Variants in DLG2 observed in about 807,000 individuals in gnomAD.
The protein encoded by DLG2 is discs large MAGUK scaffold protein 2.
A neutral mutation model predicts 132.5 loss-of-function variants in DLG2; 45 were observed. The ratio of observed to expected loss-of-function variants is 0.34; its 90% CI spans 0.27 to 0.44. The LOEUF (loss-of-function observed/expected upper bound fraction) is 0.44. Among genes scored for constraint, DLG2 ranks in the 20% least tolerant of loss-of-function variants. The probability of loss-of-function intolerance (pLI) is 1.00; values close to 1 mark genes in which losing one functional copy is unlikely to be tolerated. For missense variants in DLG2, 1,045 were observed against 1,196.9 expected, an observed-to-expected ratio of 0.87 and a Z score of 1.87; for synonymous variants, 424 against 419.6, an observed-to-expected ratio of 1.01 and a Z score of -0.13.
At chr11:85,172,047 G>A (rs1330106376) in intron 4 of DLG2, among the ~76,000 whole-genome samples, 2 of 152,212 alleles carry the variant, frequency 1.3e-5, no homozygotes, top group South Asian at 2.1e-4. Context: ...GAAGAGTCCG[G>A]GCATTCTGGA....
At chr11:84,825,043 T>C (rs574021212) in intron 6 of DLG2, among the ~76,000 whole-genome samples, 1 of 151,966 alleles carries the variant, frequency 6.6e-6, no homozygotes, top group Admixed American at 6.6e-5. Context: ...TCCTACTTAT[T>C]ACCATTAACT....
intron 6 of DLG2, among the ~76,000 whole-genome samples, chr11:85,015,918 T>C (rs1357499521): frequency 6.6e-6 from 1 of 152,150 alleles, no homozygotes; most frequent in Non-Finnish European, 1.5e-5. Flanking sequence ...TCTGATTCTA[T>C]GAAATGAACT....
chr11:83,779,789 C>T (rs1237169468), intron 18 of DLG2, among the ~76,000 whole-genome samples: 17 of 152,134 alleles, frequency 1.1e-4, no homozygotes, highest in Admixed American at 1.1e-3. Flanking sequence ...AGTTAAACTA[C>T]ACAGAATCTA....
At chr11:84,853,752 A>G (rs1463392308) in intron 6 of DLG2, among the ~76,000 whole-genome samples, 1 of 151,966 alleles carries the variant, frequency 6.6e-6, no homozygotes, top group Non-Finnish European at 1.5e-5. Context: ...CCATTCCACA[A>G]TTAGCCCAAG....
Position 85,537,811 on chromosome 11 carries a change from T to A in DLG2, c.40+60846A>T, listed in dbSNP as rs566301651. Among the ~76,000 whole-genome samples the A allele has an allele frequency of 4.6e-5, 7 of 152,014 alleles. No individual in the cohort carries two copies. The East Asian group carries it at 1.2e-3, about 25-fold the overall frequency. On this transcript the variant is annotated intron_variant, in intron 3 of 27. Coordinates refer to ENST00000376104, the MANE Select transcript of DLG2 (RefSeq NM_001142699.3). ...TCTGAAGGAACAAACTGCGGACACA[T>A]CATCTTTAAGAACTGTAACACGCGG... is the stretch of plus-strand genomic sequence containing the variant.
intron 7 of DLG2, among the ~76,000 whole-genome samples, chr11:84,362,353 AG>A (rs1301526678): frequency 6.6e-6 from 1 of 152,042 alleles, no homozygotes; most frequent in Non-Finnish European, 1.5e-5. Context: ...CCAAATTAAT[AG>A]GTTCATAAGA....
At chr11:84,721,039 C>G (rs1168004760) in intron 6 of DLG2, among the ~76,000 whole-genome samples, 1 of 152,038 alleles carries the variant, frequency 6.6e-6, no homozygotes, top group Non-Finnish European at 1.5e-5. Context: ...GAGTCCCCAG[C>G]GTGGGAGCGC....
chr11:83,718,801 G>C (rs1333701685), intron 18 of DLG2, among the ~76,000 whole-genome samples: 1 of 152,094 alleles, frequency 6.6e-6, no homozygotes, highest in African/African-American at 2.4e-5. Context: ...ATGTTGCCCT[G>C]GGGTAAAAAG....
At chr11:84,195,019 C>G (rs1313881714) in intron 8 of DLG2, among the ~76,000 whole-genome samples, 1 of 152,164 alleles carries the variant, frequency 6.6e-6, no homozygotes. Context: ...TCGGCCAGCC[C>G]AGAGAGGGGC....
chr11:84,751,469 CA>C (rs34269009), intron 6 of DLG2, among the ~76,000 whole-genome samples: 3 of 151,150 alleles, frequency 2.0e-5, no homozygotes, highest in African/African-American at 4.9e-5. Flanking sequence ...AGGTACAAAC[CA>C]AAAAAAAGTA....
chr11:84,492,271 T>G (rs1015156319), intron 7 of DLG2, among the ~76,000 whole-genome samples: 1 of 152,074 alleles, frequency 6.6e-6, no homozygotes, highest in Admixed American at 6.6e-5. Context: ...TCAGTGATGA[T>G]TTGATTTGTT....
chr11:83,884,151 T>C, intron 15 of DLG2, among the ~76,000 whole-genome samples: 1 of 152,168 alleles, frequency 6.6e-6, no homozygotes, highest in Non-Finnish European at 1.5e-5. Context: ...ATTGCCTCAC[T>C]TGGGAAGCAC....
intron 3 of DLG2, among the ~76,000 whole-genome samples, chr11:85,343,617 TTC>T (rs142981771): frequency 7.9e-4 from 119 of 151,238 alleles, no homozygotes; most frequent in Admixed American, 5.9e-4. Flanking sequence ...TGTGCACACG[TTC>T]TCTCTCTCTC....
At chr11:84,809,452 C>CATAAA (rs1566022354) in intron 6 of DLG2, among the ~76,000 whole-genome samples, 1 of 150,152 alleles carries the variant, frequency 6.7e-6, no homozygotes, top group African/African-American at 2.5e-5. Context: ...AAATAAAAGT[C>CATAAA]ATAAGAAAGA....
intron 6 of DLG2, among the ~76,000 whole-genome samples, chr11:84,668,642 C>T (rs2099702403): frequency 6.6e-6 from 1 of 152,102 alleles, no homozygotes; most frequent in African/African-American, 2.4e-5. Context: ...ACTTTCAAAA[C>T]ATTCCTTCAT....
intron 19 of DLG2, among the ~76,000 whole-genome samples, chr11:83,550,714 G>A (rs923974644): frequency 6.6e-6 from 1 of 152,160 alleles, no homozygotes. Flanking sequence ...CTGCTTGGAT[G>A]AACAGCCCAG....
In DLG2 at chr11:85,139,509, G is replaced by A. The variant is rs980080571; in HGVS notation, c.282+15047C>T. Among the ~76,000 whole-genome samples the A allele has an allele frequency of 2.0e-5, 3 of 151,974 alleles. No individual in the cohort carries two copies. The East Asian group carries it at 5.8e-4, about 29-fold the overall frequency. On this transcript the variant is annotated intron_variant, in intron 5 of 27. Coordinates refer to ENST00000376104, the MANE Select transcript of DLG2 (RefSeq NM_001142699.3). ...AAATTAATTTATTTTGAAATAAATT[G>A]TATTGGGAATAATTAAGGTATACAA...
chr11:84,038,847 T>C (rs1245082349), intron 11 of DLG2, among the ~76,000 whole-genome samples: 1 of 151,918 alleles, frequency 6.6e-6, no homozygotes, highest in East Asian at 1.9e-4. Flanking sequence ...TCACATGATG[T>C]TAGGAATGAG....
At chr11:84,312,904 G>A (rs113659184) in intron 7 of DLG2, among the ~76,000 whole-genome samples, 3,343 of 151,948 alleles carry the variant, frequency 0.022, 64 homozygotes, top group East Asian at 0.065. Flanking sequence ...CCACCTCCTG[G>A]GTTCAAGAGA....
Sources: allele counts gnomAD v4.1 joint callset (sites outside exome capture counted in the v4.1 genomes callset), GRCh38; gene constraint gnomAD v4.1.1; transcripts MANE v1.5; gene names NCBI Gene and HGNC (gene_info 2026-07-23, HGNC 2026-07-21).